SEMA3E: variants seen among roughly 807,000 people sequenced by gnomAD.
The protein encoded by SEMA3E is semaphorin 3E, also known as semaphorin-3E.
In SEMA3E, 49 loss-of-function variants were observed where a neutral mutation model predicts 93.6. That is an observed-to-expected ratio of 0.52 (90% CI 0.42 to 0.66). SEMA3E has a LOEUF of 0.66. Ranked by LOEUF, SEMA3E falls within the 30% of genes least tolerant of loss-of-function variation. SEMA3E has a pLI of 0.00. For missense variants in SEMA3E, 906 were observed against 964.8 expected (o/e 0.94, Z 0.81); for synonymous variants, 363 against 330.7 (o/e 1.10, Z -1.06).
At chr7:83,631,620 C>A (rs1793787351) in intron 1 of SEMA3E, among the ~76,000 whole-genome samples, 1 of 152,196 alleles carries the variant, frequency 6.6e-6, no homozygotes, top group Admixed American at 6.5e-5. Flanking sequence ...GAATGTCTCA[C>A]TCCAAAGTGC....
intron 1 of SEMA3E, among the ~76,000 whole-genome samples, chr7:83,591,280 G>A (rs1039309834): frequency 2.6e-5 from 4 of 151,740 alleles, no homozygotes; most frequent in African/African-American, 9.7e-5. Context: ...TTGGATTATA[G>A]GATATCATGG....
At chr7:83,420,332 A>G (rs1788648477) in intron 4 of SEMA3E, among the ~76,000 whole-genome samples, 1 of 152,180 alleles carries the variant, frequency 6.6e-6, no homozygotes, top group African/African-American at 2.4e-5. Flanking sequence ...AACACATTCC[A>G]TTCAGATGGA....
intron 4 of SEMA3E, 142 bp downstream of exon 4, chr7:83,466,340 T>A: frequency 1.0e-6 from 1 of 985,814 alleles, no homozygotes; most frequent in Non-Finnish European, 1.5e-6. Flanking sequence ...CCCAGAAAGA[T>A]AATTTCTCTG....
intron 16 of SEMA3E, among the ~76,000 whole-genome samples, chr7:83,369,909 C>G (rs1323818304): frequency 6.6e-6 from 1 of 152,162 alleles, no homozygotes; most frequent in Non-Finnish European, 1.5e-5. Flanking sequence ...GATACTGACT[C>G]TGAAGTAAGC....
At chr7:83,576,986 TAA>T (rs1792418608) in intron 1 of SEMA3E, among the ~76,000 whole-genome samples, 1 of 152,202 alleles carries the variant, frequency 6.6e-6, no homozygotes, top group Non-Finnish European at 1.5e-5. Flanking sequence ...ATCGTGGTAA[TAA>T]GTTTGCTTTA....
intron 4 of SEMA3E, among the ~76,000 whole-genome samples, chr7:83,434,507 G>A (rs1168233717): frequency 6.6e-6 from 1 of 152,028 alleles, no homozygotes; most frequent in Non-Finnish European, 1.5e-5. Context: ...ACTGACTAGC[G>A]TCTTAGCTGA....
intron 1 of SEMA3E, among the ~76,000 whole-genome samples, chr7:83,516,593 A>G (rs1046831661): frequency 6.6e-6 from 1 of 152,184 alleles, no homozygotes; most frequent in Non-Finnish European, 1.5e-5. Flanking sequence ...AACTGAAGAA[A>G]TGTCAATATT....
intron 1 of SEMA3E, among the ~76,000 whole-genome samples, chr7:83,584,400 T>A (rs1792576631): frequency 6.6e-6 from 1 of 152,154 alleles, no homozygotes; most frequent in Non-Finnish European, 1.5e-5. Context: ...TTGATAAATT[T>A]ATTTCCAAAT....
intron 1 of SEMA3E, among the ~76,000 whole-genome samples, chr7:83,558,036 C>T: frequency 6.6e-6 from 1 of 152,034 alleles, no homozygotes; most frequent in East Asian, 1.9e-4. Flanking sequence ...TTATAGGAAA[C>T]ATTTGAGGAC....
At chr7:83,590,354 A>G (rs1281898553) in intron 1 of SEMA3E, among the ~76,000 whole-genome samples, 1 of 148,064 alleles carries the variant, frequency 6.8e-6, no homozygotes, top group Non-Finnish European at 1.5e-5. Context: ...ACAAAAATGC[A>G]TAGATTCACT....
At chr7:83,633,490 T>C (rs1310857336) in intron 1 of SEMA3E, among the ~76,000 whole-genome samples, 2 of 152,180 alleles carry the variant, frequency 1.3e-5, no homozygotes, top group Non-Finnish European at 1.5e-5. Context: ...TTTGTTTATC[T>C]TGAGCAGCCA....
At chr7:83,493,855 C>T (rs1417007109) in intron 1 of SEMA3E, among the ~76,000 whole-genome samples, 3 of 151,836 alleles carry the variant, frequency 2.0e-5, no homozygotes, top group Admixed American at 6.6e-5. Context: ...TAACTGGTTA[C>T]AATTTTGTAA....
chr7:83,452,750 C>G lies in SEMA3E; in HGVS notation c.456+13732G>C, dbSNP rs187192292. 7.4e-4 allele frequency among the ~76,000 whole-genome samples: 113 copies of G among 152,282 alleles called. 2 individuals are homozygous for G. The Middle Eastern group carries it at 0.014, about 18-fold the overall frequency. The stretch of plus-strand genomic sequence containing the variant: ...GACAGGAGAGGAAGGCCAGAAGGAA[C>G]AATCCCTCTATTCTAGAACATTTTT... On this transcript the variant is annotated intron_variant, in intron 4 of 16. Transcript: ENST00000643230.
chr7:83,424,789 T>C (rs961059831), intron 4 of SEMA3E: 7 of 162,876 alleles, frequency 4.3e-5, no homozygotes, highest in East Asian at 1.8e-4. Context: ...TAAGATGTTT[T>C]GATAAAAGCA....
At chr7:83,539,754 G>A (rs944988703) in intron 1 of SEMA3E, among the ~76,000 whole-genome samples, 1 of 152,002 alleles carries the variant, frequency 6.6e-6, no homozygotes, top group African/African-American at 2.4e-5. Flanking sequence ...ATGAGTTTTG[G>A]AGAAAATGTG....
At chr7:83,423,710 A>G (rs2723000) in intron 4 of SEMA3E, among the ~76,000 whole-genome samples, 84,538 of 148,730 alleles carry the variant, frequency 0.57, 24,861 homozygotes, top group East Asian at 0.85. Flanking sequence ...ACAGAGTTTC[A>G]CCATGTTAGC....
intron 1 of SEMA3E, among the ~76,000 whole-genome samples, chr7:83,517,286 A>G: frequency 6.6e-6 from 1 of 152,142 alleles, no homozygotes; most frequent in East Asian, 1.9e-4. Context: ...CAAATAACAA[A>G]TTGGCTTTGC....
intron 1 of SEMA3E, among the ~76,000 whole-genome samples, chr7:83,625,993 T>C (rs1793661556): frequency 6.6e-6 from 1 of 152,188 alleles, no homozygotes; most frequent in Non-Finnish European, 1.5e-5. Flanking sequence ...GTTCTGTTTA[T>C]GCGATAGATC....
intron 2 of SEMA3E, among the ~76,000 whole-genome samples, chr7:83,471,331 A>G (rs1403403693): frequency 7.2e-5 from 9 of 125,196 alleles, no homozygotes; most frequent in Admixed American, 6.8e-4. Context: ...TTAAAAAAAA[A>G]GTGTTGAAAT....
Sources: allele counts gnomAD v4.1 joint callset (sites outside exome capture counted in the v4.1 genomes callset), GRCh38; gene constraint gnomAD v4.1.1; transcripts MANE v1.5; gene names NCBI Gene and HGNC (gene_info 2026-07-23, HGNC 2026-07-21).